The following MYO9A variants were observed in gnomAD, a reference collection of about 807,000 sequenced individuals.
MYO9A encodes myosin IXA.
Under a neutral mutation model 293.3 loss-of-function variants are expected in MYO9A, and 103 were observed. That is an observed-to-expected ratio of 0.35 (90% CI 0.30 to 0.41). The LOEUF is 0.41. Among genes scored for constraint, MYO9A ranks in the 10% least tolerant of loss-of-function variants. The pLI is 1.00. For synonymous variants in MYO9A, 1,001 were observed against 1,035.7 expected (o/e 0.97, Z 0.64); for missense variants, 2,685 against 3,033.0 (o/e 0.89, Z 2.69).
At chr15:71,940,678 A>G (rs188799950) in intron 15 of MYO9A, among the ~76,000 whole-genome samples, 114 of 152,350 alleles carry the variant, frequency 7.5e-4, no homozygotes, top group African/African-American at 2.5e-3. Context: ...TAAGATGTCA[A>G]TGTTCCCCAA....
At chr15:71,935,750 TATC>T (rs1426454867) in intron 16 of MYO9A, among the ~76,000 whole-genome samples, 1 of 152,128 alleles carries the variant, frequency 6.6e-6, no homozygotes, top group Non-Finnish European at 1.5e-5. Flanking sequence ...TTAAATATAT[TATC>T]ATTCAACAAC....
chr15:72,049,702 G>A (rs937582309), intron 1 of MYO9A, among the ~76,000 whole-genome samples: 3 of 152,204 alleles, frequency 2.0e-5, no homozygotes, highest in Admixed American at 6.5e-5. Context: ...ATATGCAAGG[G>A]ATCTAAACTG....
intron 1 of MYO9A, among the ~76,000 whole-genome samples, chr15:72,105,502 CTTTT>C (rs35861022): frequency 3.4e-5 from 3 of 89,264 alleles, no homozygotes; most frequent in Admixed American, 1.3e-4. Context: ...GCTGGGAAAG[CTTTT>C]TTTTTTTTTT....
intron 1 of MYO9A, among the ~76,000 whole-genome samples, chr15:72,090,523 C>A (rs2079873472): frequency 6.6e-6 from 1 of 152,152 alleles, no homozygotes; most frequent in African/African-American, 2.4e-5. Flanking sequence ...TACTACGTAA[C>A]CTTAGAAACC....
At chr15:71,934,786 CTTTTTTTT>C (rs1167613386) in intron 17 of MYO9A, among the ~76,000 whole-genome samples, 148 of 61,810 alleles carry the variant, frequency 2.4e-3, no homozygotes, top group African/African-American at 7.9e-3. Flanking sequence ...CTTTTCTTTT[CTTTTTTTT>C]TTTTTTTTTT....
At position 71,826,826 on chromosome 15, in the gene MYO9A, C is replaced by T. The variant is rs769780908; in HGVS notation, c.7401G>A (p.Glu2467=). 1.2e-5 allele frequency: 19 copies of T among 1,614,138 alleles called. No homozygotes were observed. Among genetic ancestry groups the T allele is most frequent in the Non-Finnish European group, 1.5e-5 (18 of 1,179,992 alleles). The change falls in exon 42 of 42, where the codon GAG becomes GAA. Residue 2467 remains glutamate, a synonymous_variant. Coordinates refer to ENST00000356056, the MANE Select transcript of MYO9A (RefSeq NM_006901.4). ...CCAATGGTCCTTCCATTCCCAGGGC[C>T]TCATTACCTGAGGCAGCTCGGTAGA... ...SPFYRAASGN[E]ALGMEGPLGQ...
chr15:72,027,588 T>A (rs2077712326), intron 4 of MYO9A, 143 bp downstream of exon 4: 2 of 612,916 alleles, frequency 3.3e-6, no homozygotes, highest in Admixed American at 3.4e-5. Context: ...TGCAAAGTTC[T>A]GCCCATGACA....
chr15:72,041,352 G>C, intron 2 of MYO9A: 1 of 554,156 alleles, frequency 1.8e-6, no homozygotes, highest in South Asian at 1.4e-5. Context: ...TGTCGGCAGG[G>C]AAAGGCAACT....
Position 72,056,578 on chromosome 15 carries a change from G to A in MYO9A, c.-71-9944C>T, listed in dbSNP as rs115317145. 6.2e-3 allele frequency among the ~76,000 whole-genome samples: 947 copies of A among 152,338 alleles called. 10 individuals are homozygous for A. The highest frequency in any genetic ancestry group is 0.022 in the African/African-American group (902 of 41,580). On this transcript the variant is annotated intron_variant, in intron 1 of 41. Transcript: ENST00000356056. ...TGTAAGAATGACACAGTGAACTTTG[G>A]GGACTTGGGGGAAAAGGTGGGAGGT...
At chr15:71,857,882 T>C (rs1316697080) in intron 34 of MYO9A, among the ~76,000 whole-genome samples, 5 of 152,232 alleles carry the variant, frequency 3.3e-5, no homozygotes, top group Non-Finnish European at 5.9e-5. Context: ...ATATCCAGAA[T>C]CTACAAAGAA....
At chr15:71,831,428 G>A (rs551674442) in intron 39 of MYO9A, among the ~76,000 whole-genome samples, 42 of 152,312 alleles carry the variant, frequency 2.8e-4, no homozygotes, top group Middle Eastern at 3.4e-3. Context: ...ATCACCTTGG[G>A]ATAGAGAATA....
chr15:72,106,063 T>C (rs1014247801), intron 1 of MYO9A, among the ~76,000 whole-genome samples: 14 of 152,128 alleles, frequency 9.2e-5, no homozygotes, highest in Admixed American at 3.9e-4. Context: ...CTTTAGCATA[T>C]GAAAAGAGAA....
chr15:71,999,828 A>G, intron 9 of MYO9A, 23 bp downstream of exon 9: 1 of 1,594,512 alleles, frequency 6.3e-7, no homozygotes, highest in Non-Finnish European at 8.6e-7. Context: ...GAATGCTTTC[A>G]TTTCAAAGAA....
intron 15 of MYO9A, among the ~76,000 whole-genome samples, chr15:71,941,756 A>G (rs1050596235): frequency 2.0e-5 from 3 of 152,172 alleles, no homozygotes; most frequent in Non-Finnish European, 4.4e-5. Flanking sequence ...AGAAAATTTT[A>G]AAGTCAAAGG....
intron 19 of MYO9A, among the ~76,000 whole-genome samples, chr15:71,910,049 C>T (rs941120488): frequency 2.0e-5 from 3 of 149,066 alleles, no homozygotes; most frequent in Non-Finnish European, 4.4e-5. Context: ...AAAAGGAAGA[C>T]ATTGTTGTAA....
intron 1 of MYO9A, among the ~76,000 whole-genome samples, chr15:72,076,304 CA>C (rs34369419): frequency 0.26 from 21,329 of 81,584 alleles, 1,224 homozygotes; most frequent in Non-Finnish European, 0.31. Context: ...GACTCTGTCT[CA>C]AAAAAAAAAA....
intron 1 of MYO9A, among the ~76,000 whole-genome samples, chr15:72,083,052 G>A (rs1002831843): frequency 1.3e-5 from 2 of 151,810 alleles, no homozygotes; most frequent in African/African-American, 4.8e-5. Context: ...GTTAAGGAGG[G>A]GTCCCTCCTC....
At chr15:71,935,172 T>G (rs939419683) in intron 17 of MYO9A, 169 bp downstream of exon 17, 1 of 657,206 alleles carries the variant, frequency 1.5e-6, no homozygotes, top group African/African-American at 1.8e-5. Flanking sequence ...CACATGAGAT[T>G]CATGGCTGTA....
At chr15:71,859,386 T>G (rs2056017162) in intron 34 of MYO9A, among the ~76,000 whole-genome samples, 1 of 152,242 alleles carries the variant, frequency 6.6e-6, no homozygotes, top group Admixed American at 6.5e-5. Context: ...TTGTTCATCT[T>G]TAATTGTAGC....
Sources: gnomAD v4.1 joint callset for allele counts (sites outside exome capture counted in the v4.1 genomes callset) on GRCh38, gnomAD v4.1.1 for gene constraint, MANE v1.5 for transcripts, NCBI Gene and HGNC (gene_info 2026-07-23, HGNC 2026-07-21) for gene names.